EFCAB6: variants seen among roughly 807,000 people sequenced by gnomAD.
EFCAB6 encodes EF-hand calcium binding domain 6.
In EFCAB6, 156 loss-of-function variants were observed where a neutral mutation model predicts 169.8. That is an observed-to-expected ratio of 0.92 (90% CI 0.81 to 1.05). EFCAB6 has a LOEUF of 1.05. EFCAB6 is among the 50% of genes least tolerant of loss of function. The pLI, the probability that EFCAB6 is intolerant of heterozygous loss-of-function variation, is 0.00. For missense variants in EFCAB6, 1,800 were observed against 1,829.1 expected (o/e 0.98, Z 0.29); for synonymous variants, 698 against 676.4 (o/e 1.03, Z -0.50).
chr22:43,551,808 T>G (rs1324251398), intron 27 of EFCAB6: 1 of 151,424 alleles, frequency 6.6e-6, no homozygotes, highest in Non-Finnish European at 1.5e-5. Context: ...GGCTTCTAAC[T>G]CCATCCATGT....
rs1163218592 is a variant in EFCAB6, at chr22:43,755,781, G to T, written c.492C>A (p.Ile164=). The change falls in exon 6 of 32, where the codon ATC becomes ATA. Residue 164 remains isoleucine (I), a synonymous_variant. Transcript: ENST00000262726. The part of the protein sequence containing the change: ...NCCRTLRELE[I]QVGEKVFKNI... Reference sequence around the variant, plus strand: ...TCTCTATTACCTTTTCTCCCACTTGGATTTCAAGTTCTCTTAATGTGCGGC... The same window carrying T: ...TCTCTATTACCTTTTCTCCCACTTGTATTTCAAGTTCTCTTAATGTGCGGC... The T allele has an allele frequency of 6.2e-7, 1 of 1,606,426 alleles. No homozygotes were observed. Among genetic ancestry groups the T allele is most frequent in the Non-Finnish European group, 8.5e-7 (1 of 1,177,748 alleles).
At chr22:43,593,416 G>A (rs1348810568) in intron 23 of EFCAB6, among the ~76,000 whole-genome samples, 1 of 152,170 alleles carries the variant, frequency 6.6e-6, no homozygotes, top group Admixed American at 6.5e-5. Flanking sequence ...TTCTCTCCTA[G>A]AGCCTCATTA....
At chr22:43,733,137 A>G (rs149008742) in intron 7 of EFCAB6, among the ~76,000 whole-genome samples, 1 of 152,168 alleles carries the variant, frequency 6.6e-6, no homozygotes, top group African/African-American at 2.4e-5. Flanking sequence ...GATCGCTGCC[A>G]GATGTTAACA....
chr22:43,608,661 A>T (rs1365698090), intron 21 of EFCAB6, 61 bp from the exon 22 acceptor site: 3 of 1,500,178 alleles, frequency 2.0e-6, no homozygotes, highest in South Asian at 1.1e-5. Flanking sequence ...AGCAGAAAAG[A>T]TGTTCAATTA....
intron 5 of EFCAB6, chr22:43,759,110 C>T (rs1046176257): frequency 6.6e-6 from 1 of 152,234 alleles, no homozygotes; most frequent in Admixed American, 6.5e-5. Context: ...GGCCAAAAGC[C>T]TTTCTTATTT....
chr22:43,798,143 C>T (rs113513458), intron 2 of EFCAB6, among the ~76,000 whole-genome samples: 2,684 of 151,966 alleles, frequency 0.018, 74 homozygotes, highest in African/African-American at 0.062. Context: ...CCCAGCACTT[C>T]GGGAGGCCAA....
At chr22:43,790,193 G>A (rs370111778) in intron 2 of EFCAB6, among the ~76,000 whole-genome samples, 2 of 152,154 alleles carry the variant, frequency 1.3e-5, no homozygotes, top group Non-Finnish European at 2.9e-5. Flanking sequence ...GGTCCTGTAC[G>A]TAAGAACCAC....
chr22:43,648,375 C>T (rs750281189), intron 17 of EFCAB6, among the ~76,000 whole-genome samples: 10 of 152,066 alleles, frequency 6.6e-5, no homozygotes, highest in Non-Finnish European at 1.2e-4. Context: ...TACTACACTG[C>T]CATAAAAAAA....
chr22:43,707,797 G>A (rs1173040834), intron 10 of EFCAB6, among the ~76,000 whole-genome samples: 1 of 152,094 alleles, frequency 6.6e-6, no homozygotes, highest in Non-Finnish European at 1.5e-5. Flanking sequence ...AGGTTTCTGA[G>A]GCAGTAATGA....
intron 25 of EFCAB6, among the ~76,000 whole-genome samples, chr22:43,579,187 T>C (rs1342674556): frequency 3.0e-5 from 4 of 134,848 alleles, no homozygotes; most frequent in South Asian, 2.5e-4. Flanking sequence ...TCCATACACA[T>C]AGGCATCATT....
chr22:43,811,875 G>A (rs559519431), intron 1 of EFCAB6, among the ~76,000 whole-genome samples: 191 of 152,268 alleles, frequency 1.3e-3, no homozygotes, highest in African/African-American at 4.5e-3. Context: ...TCACAGAGAG[G>A]CAGGGAAGAA....
At chr22:43,558,908 G>C (rs1162125163) in intron 26 of EFCAB6, among the ~76,000 whole-genome samples, 1 of 152,178 alleles carries the variant, frequency 6.6e-6, no homozygotes, top group Admixed American at 6.5e-5. Flanking sequence ...AACCAAACCT[G>C]CAAAGTCTCT....
At chr22:43,638,357 AG>A (rs1372774115) in intron 17 of EFCAB6, among the ~76,000 whole-genome samples, 3 of 152,200 alleles carry the variant, frequency 2.0e-5, no homozygotes, top group African/African-American at 7.2e-5. Context: ...CATTCCCCTA[AG>A]AAAGTTGCTC....
At chr22:43,757,039 G>A (rs1029860817) in intron 5 of EFCAB6, among the ~76,000 whole-genome samples, 1 of 152,134 alleles carries the variant, frequency 6.6e-6, no homozygotes, top group Non-Finnish European at 1.5e-5. Context: ...ATAAGGAGTC[G>A]ACTTCAAAGG....
At chr22:43,664,220 A>G (rs556821070) in intron 17 of EFCAB6, among the ~76,000 whole-genome samples, 1 of 152,302 alleles carries the variant, frequency 6.6e-6, no homozygotes, top group South Asian at 2.1e-4. Flanking sequence ...TGTAGGAACC[A>G]GCTTCAAATG....
chr22:43,530,828 G>A lies in EFCAB6; in HGVS notation c.4370C>T (p.Ala1457Val), dbSNP rs140939056. 7.3e-5 allele frequency: 118 copies of A among 1,613,770 alleles called. No homozygotes were observed. Among genetic ancestry groups the A allele is most frequent in the Non-Finnish European group, 9.5e-5 (112 of 1,180,054 alleles). The stretch of plus-strand genomic sequence containing the variant: ...AGCTGTGCTCACCGTCCTGAAATCT[G>A]CGACGCTTAGCAGCCCTGTTCCAGC... ...DEAGTGLLSV[A>V]DFRTVLRQYS... Residue 1457 changes from alanine to valine, a missense_variant, in exon 31 of 32, where the codon GCA becomes GTA. Ala to Val is a moderately conservative substitution (Grantham distance 64). Coordinates refer to ENST00000262726, the MANE Select transcript of EFCAB6 (RefSeq NM_022785.4).
At chr22:43,782,402 C>G (rs372591715) in intron 2 of EFCAB6, 77 bp from the exon 3 acceptor site, 1 of 1,334,284 alleles carries the variant, frequency 7.5e-7, no homozygotes, top group African/African-American at 1.5e-5. Flanking sequence ...CTATCTATTC[C>G]TTTTCTGAAG....
chr22:43,773,534 A>T (rs1423778472), intron 3 of EFCAB6, among the ~76,000 whole-genome samples: 1 of 152,218 alleles, frequency 6.6e-6, no homozygotes, highest in African/African-American at 2.4e-5. Context: ...GAAGAGATGG[A>T]CGCTAAAATG....
chr22:43,569,670 A>G (rs2147196318), intron 26 of EFCAB6, among the ~76,000 whole-genome samples: 1 of 152,338 alleles, frequency 6.6e-6, no homozygotes, highest in Non-Finnish European at 1.5e-5. Flanking sequence ...GCCTGTCTCC[A>G]AGGCCCCCCT....
Sources: allele counts gnomAD v4.1 joint callset (sites outside exome capture counted in the v4.1 genomes callset), GRCh38; gene constraint gnomAD v4.1.1; transcripts MANE v1.5; gene names NCBI Gene and HGNC (gene_info 2026-07-23, HGNC 2026-07-21).